Variants in GABRB1 observed in about 807,000 individuals in gnomAD.
GABRB1 encodes the protein gamma-aminobutyric acid type A receptor subunit beta1.
GABRB1 carries 17 observed loss-of-function variants against 51.6 expected under a neutral mutation model. The observed-to-expected ratio is 0.33, with a 90% CI of 0.23 to 0.49. The LOEUF (loss-of-function observed/expected upper bound fraction) is 0.49, where lower values mean the gene tolerates loss of function less well. GABRB1 is among the 20% of genes least tolerant of loss of function. GABRB1 has a pLI of 0.99. For missense variants in GABRB1, 410 were observed against 600.6 expected (o/e 0.68, Z 3.32); for synonymous variants, 247 against 218.9 (o/e 1.13, Z -1.14).
At chr4:47,251,792 C>T (rs1197341870) in intron 4 of GABRB1, among the ~76,000 whole-genome samples, 1 of 152,136 alleles carries the variant, frequency 6.6e-6, no homozygotes, top group Non-Finnish European at 1.5e-5. Context: ...CAATCACAGA[C>T]ATCCAGCTCC....
intron 3 of GABRB1, among the ~76,000 whole-genome samples, chr4:47,134,034 G>T (rs1011828212): frequency 6.6e-6 from 1 of 152,134 alleles, no homozygotes; most frequent in Non-Finnish European, 1.5e-5. Flanking sequence ...CTTTCAGTCA[G>T]TATCTTACCA....
At chr4:47,087,667 G>A (rs1414285561) in intron 3 of GABRB1, among the ~76,000 whole-genome samples, 2 of 151,908 alleles carry the variant, frequency 1.3e-5, no homozygotes, top group Admixed American at 1.3e-4. Flanking sequence ...CTAATATTAT[G>A]GAGTTTTCCT....
intron 5 of GABRB1, among the ~76,000 whole-genome samples, chr4:47,393,201 A>G (rs927014887): frequency 3.3e-5 from 5 of 152,204 alleles, no homozygotes; most frequent in Non-Finnish European, 7.3e-5. Context: ...GGTCCCTTTG[A>G]AAGGCCAATC....
At chr4:47,082,075 G>A (rs982525686) in intron 3 of GABRB1, among the ~76,000 whole-genome samples, 6 of 151,888 alleles carry the variant, frequency 4.0e-5, no homozygotes, top group African/African-American at 1.2e-4. Flanking sequence ...AAACTGAAAG[G>A]TAGTGATATA....
chr4:47,207,104 C>G (rs1465787347), intron 4 of GABRB1, among the ~76,000 whole-genome samples: 5 of 151,864 alleles, frequency 3.3e-5, no homozygotes, highest in Admixed American at 6.6e-5. Context: ...TATGAAGAGA[C>G]TATTAGAATT....
chr4:47,180,844 T>C (rs1216854004), intron 4 of GABRB1, among the ~76,000 whole-genome samples: 1 of 152,118 alleles, frequency 6.6e-6, no homozygotes, highest in Non-Finnish European at 1.5e-5. Context: ...CTTTCTAAGA[T>C]ATTTTTACAG....
chr4:47,137,280 G>A (rs181453059), intron 3 of GABRB1, among the ~76,000 whole-genome samples: 31 of 151,788 alleles, frequency 2.0e-4, no homozygotes, highest in Admixed American at 7.2e-4. Flanking sequence ...GAGGTGGTCT[G>A]ATGAGCGAGG....
chr4:47,386,048 G>A (rs915860323), intron 5 of GABRB1, among the ~76,000 whole-genome samples: 18 of 152,222 alleles, frequency 1.2e-4, no homozygotes, highest in Admixed American at 1.0e-3. Flanking sequence ...AACATTAGTG[G>A]GTTTTATGGA....
intron 5 of GABRB1, among the ~76,000 whole-genome samples, chr4:47,371,131 C>T (rs1337763648): frequency 6.8e-6 from 1 of 146,828 alleles, no homozygotes; most frequent in Non-Finnish European, 1.5e-5. Flanking sequence ...TGTTCCCCAC[C>T]ATATGTCCAT....
chr4:47,307,589 A>G (rs2109947381), intron 4 of GABRB1, among the ~76,000 whole-genome samples: 1 of 152,180 alleles, frequency 6.6e-6, no homozygotes, highest in East Asian at 1.9e-4. Flanking sequence ...TTAACAATAA[A>G]CCATAAAAAT....
chr4:47,156,833 T>G (rs1025873976), intron 3 of GABRB1, among the ~76,000 whole-genome samples: 1 of 151,908 alleles, frequency 6.6e-6, no homozygotes, highest in Non-Finnish European at 1.5e-5. Context: ...GCAGACATGG[T>G]GGTGAACACC....
At chr4:47,196,468 T>C (rs1719688420) in intron 4 of GABRB1, among the ~76,000 whole-genome samples, 1 of 152,162 alleles carries the variant, frequency 6.6e-6, no homozygotes, top group Admixed American at 6.5e-5. Flanking sequence ...AGGTACAGCA[T>C]GGACGGCCCT....
At chr4:47,175,166 T>G (rs1159951088) in intron 4 of GABRB1, among the ~76,000 whole-genome samples, 1 of 151,270 alleles carries the variant, frequency 6.6e-6, no homozygotes, top group African/African-American at 2.4e-5. Flanking sequence ...CTTCTTTCTT[T>G]ATCTTTCTTT....
intron 8 of GABRB1, among the ~76,000 whole-genome samples, chr4:47,408,380 T>A (rs1240577016): frequency 6.6e-6 from 1 of 152,226 alleles, no homozygotes; most frequent in Non-Finnish European, 1.5e-5. Flanking sequence ...GAAATGTGGC[T>A]GGATACTTAG....
chr4:47,124,145 A>G (rs560003630), intron 3 of GABRB1, among the ~76,000 whole-genome samples: 1 of 150,924 alleles, frequency 6.6e-6, no homozygotes, highest in South Asian at 2.1e-4. Flanking sequence ...GAGGGCTTAT[A>G]GATCATTTGA....
intron 5 of GABRB1, among the ~76,000 whole-genome samples, chr4:47,387,347 T>C (rs1321464487): frequency 6.6e-6 from 1 of 152,076 alleles, no homozygotes; most frequent in African/African-American, 2.4e-5. Context: ...TGTTATGCAC[T>C]TGTAATCCCA....
At chr4:47,228,716 A>C (rs1037655035) in intron 4 of GABRB1, among the ~76,000 whole-genome samples, 2 of 152,164 alleles carry the variant, frequency 1.3e-5, no homozygotes, top group African/African-American at 4.8e-5. Flanking sequence ...CAGTGGCAAC[A>C]GGGGCCTCAG....
At chr4:47,063,459 T>C (rs1333533870) in intron 3 of GABRB1, among the ~76,000 whole-genome samples, 1 of 152,150 alleles carries the variant, frequency 6.6e-6, no homozygotes, top group African/African-American at 2.4e-5. Context: ...ATTCCTACAC[T>C]GGGAAGCCAA....
chr4:47,102,804 A>C (rs1397676487), intron 3 of GABRB1, among the ~76,000 whole-genome samples: 1 of 152,166 alleles, frequency 6.6e-6, no homozygotes, highest in East Asian at 1.9e-4. Flanking sequence ...AGCTACATTC[A>C]TAAGACTAGG....
Sources: allele counts gnomAD v4.1 joint callset (sites outside exome capture counted in the v4.1 genomes callset), GRCh38; gene constraint gnomAD v4.1.1; transcripts MANE v1.5; gene names NCBI Gene and HGNC (gene_info 2026-07-23, HGNC 2026-07-21).